The following TENM1 variants were observed in gnomAD, a reference collection of about 807,000 sequenced individuals.
TENM1 encodes the protein teneurin transmembrane protein 1.
Under a neutral mutation model 174.8 loss-of-function variants are expected in TENM1, and 35 were observed. The ratio of observed to expected loss-of-function variants is 0.20; its 90% CI spans 0.15 to 0.27. The LOEUF (loss-of-function observed/expected upper bound fraction) is 0.27. Ranked by LOEUF, TENM1 falls within the 10% of genes least tolerant of loss-of-function variation. TENM1 has a pLI of 1.00. For synonymous variants in TENM1, 781 were observed against 798.7 expected, an observed-to-expected ratio of 0.98 and a Z score of 0.37; for missense variants, 1,633 against 2,130.1, an observed-to-expected ratio of 0.77 and a Z score of 4.59.
rs182040421 is a variant in TENM1, at chrX:124,417,400, C to T, written c.4982+2911G>A. On this transcript the variant is annotated intron_variant, in intron 25 of 31. Transcript: ENST00000422452. Reference sequence around the variant, plus strand: ...TAATTGTTTGTATTTTTAGTAGAGACGGGGTTTCATCATGTTGGCCAGGTT... The same window carrying T: ...TAATTGTTTGTATTTTTAGTAGAGATGGGGTTTCATCATGTTGGCCAGGTT... 3.6e-5 allele frequency among the ~76,000 whole-genome samples: 4 copies of T among 110,587 alleles called. No individual in the cohort carries two copies. The East Asian group carries it at 8.6e-4, about 24-fold the overall frequency.
intron 28 of TENM1, among the ~76,000 whole-genome samples, chrX:124,388,074 T>C (rs1013596339): frequency 4.5e-5 from 5 of 112,052 alleles, no homozygotes; most frequent in African/African-American, 1.6e-4. Flanking sequence ...GCTTTTGCAT[T>C]ATCTCTAGTC....
chrX:124,865,551 A>T (rs1397197153), intron 3 of TENM1, among the ~76,000 whole-genome samples: 1 of 111,946 alleles, frequency 8.9e-6, no homozygotes, highest in Non-Finnish European at 1.9e-5. Context: ...ATAGTAACTC[A>T]TATCACCAGA....
chrX:124,941,015 A>G (rs2058317748), intron 1 of TENM1, among the ~76,000 whole-genome samples: 1 of 111,515 alleles, frequency 9.0e-6, no homozygotes. Context: ...TTCCATCCAA[A>G]AAAACAAATT....
exon 16 of TENM1, chrX:124,529,923 C>G: frequency 8.3e-7 from 1 of 1,211,016 alleles, no homozygotes; most frequent in Non-Finnish European, 1.1e-6. Context: ...AACTGACATT[C>G]ACTCCCACTA....
At chrX:125,186,206 CTGTTA>C in the TENM1 span, among the ~76,000 whole-genome samples, 1,627 of 111,322 alleles carry the variant, frequency 0.015, 33 homozygotes, top group African/African-American at 0.051. Flanking sequence ...TCAAACAACT[CTGTTA>C]TAAGATTAGG....
intron 1 of TENM1, among the ~76,000 whole-genome samples, chrX:124,910,414 AAC>A (rs1171435504): frequency 1.8e-5 from 2 of 112,142 alleles, no homozygotes; most frequent in African/African-American, 3.2e-5. Context: ...GTGCAGGTAA[AAC>A]AATCTATGAG....
At chrX:124,592,818 T>C (rs1185500049) in intron 11 of TENM1, among the ~76,000 whole-genome samples, 1 of 94,604 alleles carries the variant, frequency 1.1e-5, no homozygotes, top group Non-Finnish European at 2.1e-5. Context: ...CCCTAGGGGG[T>C]GTGACTGCAG....
intron 22 of TENM1, among the ~76,000 whole-genome samples, chrX:124,462,431 T>TGGGGGGGGG (rs1217120404): frequency 1.1e-4 from 1 of 9,057 alleles, no homozygotes; most frequent in African/African-American, 2.4e-4. Flanking sequence ...TGTGTGTGTG[T>TGGGGGGGGG]GGGGGGGGTG....
intron 6 of TENM1, among the ~76,000 whole-genome samples, chrX:124,662,321 G>T (rs765514262): frequency 9.2e-6 from 1 of 109,170 alleles, no homozygotes; most frequent in African/African-American, 3.3e-5. Flanking sequence ...GGGCGTGGTG[G>T]TGCGCGCCTG....
At chrX:124,566,301 C>T (rs1471703315) in intron 11 of TENM1, among the ~76,000 whole-genome samples, 2 of 112,393 alleles carry the variant, frequency 1.8e-5, no homozygotes, top group African/African-American at 6.5e-5. Context: ...GATTAAAGTA[C>T]ACATCCTTCT....
chrX:125,160,484 G>A, the TENM1 span, among the ~76,000 whole-genome samples: 1 of 94,040 alleles, frequency 1.1e-5, no homozygotes, highest in Non-Finnish European at 2.1e-5. Context: ...GGCGGAGGTT[G>A]CAGTGAGCCA....
intron 1 of TENM1, among the ~76,000 whole-genome samples, chrX:124,920,655 A>C (rs889715126): frequency 9.0e-6 from 1 of 111,377 alleles, no homozygotes; most frequent in African/African-American, 3.3e-5. Context: ...CCTTACAGTA[A>C]ATATTTGAAT....
intron 18 of TENM1, among the ~76,000 whole-genome samples, chrX:124,512,374 C>A (rs1259681474): frequency 9.0e-6 from 1 of 111,069 alleles, no homozygotes; most frequent in Non-Finnish European, 1.9e-5. Context: ...TATTTAGAGT[C>A]AAAGAATAAA....
At chrX:124,478,931 AC>A (rs2147929837) in intron 22 of TENM1, among the ~76,000 whole-genome samples, 1 of 112,413 alleles carries the variant, frequency 8.9e-6, no homozygotes, top group African/African-American at 3.2e-5. Context: ...CACTGTAATA[AC>A]TTTTTGCATG....
At chrX:124,658,970 A>G (rs2051522224) in intron 6 of TENM1, among the ~76,000 whole-genome samples, 1 of 111,296 alleles carries the variant, frequency 9.0e-6, no homozygotes, top group Admixed American at 9.5e-5. Context: ...CACATTCCCA[A>G]AAACTTTAGT....
At chrX:124,578,533 G>C (rs2858412) in intron 11 of TENM1, among the ~76,000 whole-genome samples, 26,862 of 110,368 alleles carry the variant, frequency 0.24, 2,465 homozygotes, top group South Asian at 0.42. Flanking sequence ...TATAAAATCG[G>C]GTTGGTACAA....
At chrX:124,588,986 G>A (rs996103403) in intron 11 of TENM1, among the ~76,000 whole-genome samples, 3 of 110,934 alleles carry the variant, frequency 2.7e-5, no homozygotes, top group Non-Finnish European at 5.7e-5. Context: ...CAGTCCTCAA[G>A]GGGAATGCTT....
chrX:124,724,222 T>C (rs1414284007), intron 4 of TENM1, among the ~76,000 whole-genome samples: 1 of 112,049 alleles, frequency 8.9e-6, no homozygotes, highest in Non-Finnish European at 1.9e-5. Context: ...AGAAATCTAC[T>C]CTATCTGTAG....
upstream of TENM1, among the ~76,000 whole-genome samples, chrX:124,967,017 T>C (rs375888083): frequency 9.0e-6 from 1 of 111,291 alleles, no homozygotes; most frequent in East Asian, 2.9e-4. Context: ...ACACAATAAG[T>C]AAACAACTCT....
Sources: allele counts gnomAD v4.1 joint callset (sites outside exome capture counted in the v4.1 genomes callset), GRCh38; gene constraint gnomAD v4.1.1; transcripts MANE v1.5; gene names NCBI Gene and HGNC (gene_info 2026-07-23, HGNC 2026-07-21).